The following RPH3AL variants were observed in gnomAD, a reference collection of about 807,000 sequenced individuals.
The protein encoded by RPH3AL is rab effector Noc2.
In RPH3AL, 38 loss-of-function variants were observed where a neutral mutation model predicts 43.1. The ratio of observed to expected loss-of-function variants is 0.88; its 90% CI spans 0.68 to 1.15. The LOEUF (loss-of-function observed/expected upper bound fraction) is 1.15, where lower values mean the gene tolerates loss of function less well. Among genes scored for constraint, RPH3AL ranks in the 50% most tolerant of loss-of-function variants. RPH3AL has a pLI of 0.00. For synonymous variants in RPH3AL, 189 were observed against 176.3 expected, an observed-to-expected ratio of 1.07 and a Z score of -0.57; for missense variants, 462 against 423.2, an observed-to-expected ratio of 1.09 and a Z score of -0.81.
chr17:319,637 T>G, intron 4 of RPH3AL, 88 bp from the exon 5 acceptor site: 1 of 1,500,652 alleles, frequency 6.7e-7, no homozygotes, highest in East Asian at 2.3e-5. Flanking sequence ...ATGCCACATG[T>G]GCTGTCCCCT....
chr17:324,497 C>T (rs944320985), intron 3 of RPH3AL, among the ~76,000 whole-genome samples: 3 of 152,192 alleles, frequency 2.0e-5, no homozygotes, highest in East Asian at 1.9e-4. Flanking sequence ...GGGAGCCCCA[C>T]CTGTCCTTCC....
At chr17:285,159 C>T (rs1567613932) in intron 5 of RPH3AL, among the ~76,000 whole-genome samples, 3 of 152,320 alleles carry the variant, frequency 2.0e-5, no homozygotes, top group Admixed American at 1.3e-4. Context: ...GGAGCATCGT[C>T]GTGTCTCTCA....
At chr17:308,925 ACT>A (rs1340516105) in intron 5 of RPH3AL, among the ~76,000 whole-genome samples, 3 of 152,068 alleles carry the variant, frequency 2.0e-5, no homozygotes, top group Non-Finnish European at 4.4e-5. Flanking sequence ...AGGTTAGCAG[ACT>A]CTCTCTAGGC....
intron 6 of RPH3AL, among the ~76,000 whole-genome samples, chr17:272,611 G>C (rs187239633): frequency 1.0e-5 from 1 of 95,986 alleles, no homozygotes; most frequent in Middle Eastern, 8.5e-3. Context: ...GTTGTGGGGT[G>C]GGGGGAGGGG....
At chr17:257,880 G>T (rs28730449) in intron 6 of RPH3AL, among the ~76,000 whole-genome samples, 126 of 3,114 alleles carry the variant, frequency 0.04, 11 homozygotes, top group African/African-American at 0.099. Context: ...TGTCTGTCCT[G>T]TTCTGTCCCT....
At chr17:242,368 C>CTACCTTCCTCTATTGAT (rs2041569058) in intron 7 of RPH3AL, among the ~76,000 whole-genome samples, 3 of 18,522 alleles carry the variant, frequency 1.6e-4, no homozygotes. Context: ...CCTCTATTGA[C>CTACCTTCCTCTATTGAT]TACCTTCCTC....
At chr17:271,697 A>G (rs1033232522) in intron 6 of RPH3AL, among the ~76,000 whole-genome samples, 4 of 152,212 alleles carry the variant, frequency 2.6e-5, no homozygotes, top group Non-Finnish European at 5.9e-5. Context: ...CTAGATATAC[A>G]ATCATGTCAT....
intron 5 of RPH3AL, among the ~76,000 whole-genome samples, chr17:316,144 C>T (rs1598105932): frequency 7.3e-6 from 1 of 136,418 alleles, no homozygotes; most frequent in Non-Finnish European, 1.6e-5. Flanking sequence ...AGTCCCTGTG[C>T]TCCACCTCCA....
At chr17:222,716 C>T (rs1292540153) in intron 7 of RPH3AL, among the ~76,000 whole-genome samples, 2 of 152,178 alleles carry the variant, frequency 1.3e-5, no homozygotes, top group Non-Finnish European at 2.9e-5. Flanking sequence ...ATAAACTGCA[C>T]CCGTATTGCA....
chr17:348,857 T>C (rs2151737381), intron 1 of RPH3AL: 1 of 152,294 alleles, frequency 6.6e-6, no homozygotes, highest in Non-Finnish European at 1.5e-5. Context: ...CTTCACCACA[T>C]GCATCACAGT....
intron 5 of RPH3AL, among the ~76,000 whole-genome samples, chr17:302,972 C>CT (rs1340920046): frequency 6.6e-6 from 1 of 152,178 alleles, no homozygotes; most frequent in African/African-American, 2.4e-5. Flanking sequence ...TGGTGTTTGA[C>CT]TTATTTTTTA....
chr17:329,042 A>G (rs2151711105), intron 2 of RPH3AL, among the ~76,000 whole-genome samples: 1 of 152,302 alleles, frequency 6.6e-6, no homozygotes, highest in Non-Finnish European at 1.5e-5. Context: ...AATGTTCTGG[A>G]TTAGACAGTG....
At chr17:316,508 C>T (rs2044202406) in intron 5 of RPH3AL, among the ~76,000 whole-genome samples, 2 of 146,508 alleles carry the variant, frequency 1.4e-5, no homozygotes, top group African/African-American at 2.6e-5. Context: ...AGTCTCTGTG[C>T]TCCACCTCCA....
Position 302,068 on chromosome 17 carries a change from A to G in RPH3AL, c.351+17352T>C, listed in dbSNP as rs1384908600. On this transcript the variant is annotated intron_variant, in intron 5 of 9. Coordinates refer to ENST00000331302, the MANE Select transcript of RPH3AL (RefSeq NM_006987.4). ...GCGAACTGGGCGGCAAACCTGCCAC[A>G]GCTTTAAAATAACCACAATCGAGCT... Among the ~76,000 whole-genome samples the G allele has an allele frequency of 2.0e-5, 3 of 152,348 alleles. No homozygotes were observed. In the East Asian group the frequency reaches 5.8e-4, roughly 29 times the overall value.
chr17:226,857 A>G lies in RPH3AL; in HGVS notation c.614-7121T>C, dbSNP rs4890192. 3.4e-3 allele frequency among the ~76,000 whole-genome samples: 512 copies of G among 152,262 alleles called. 10 individuals are homozygous for G. Among genetic ancestry groups the G allele is most frequent in the Admixed American group, 0.031 (479 of 15,292 alleles). On this transcript the variant is annotated intron_variant, in intron 7 of 9. Transcript: ENST00000331302. ...TGGCCCTTGCTCTTCCATCCTCAAC[A>G]TAACACTCTGTGTGTCTGAAGGCTG... is the stretch of plus-strand genomic sequence containing the variant.
intron 5 of RPH3AL, among the ~76,000 whole-genome samples, chr17:284,361 C>T (rs537614105): frequency 1.3e-5 from 2 of 152,300 alleles, no homozygotes; most frequent in African/African-American, 4.8e-5. Context: ...GTCGGTCACA[C>T]CCTCCCCTGC....
chr17:321,272 C>T lies in RPH3AL; in HGVS notation c.221G>A (p.Gly74Glu), dbSNP rs1223151707. 1.2e-6 allele frequency: 2 copies of T among 1,606,460 alleles called. No homozygotes were observed. The highest frequency in any genetic ancestry group is 8.5e-7 in the Non-Finnish European group (1 of 1,179,252). ...TGAGCTGGCCCCGGCCCCGCCTCAC[C>T]CGATTCTCTGCTGCTCCAGGACGTC... is the stretch of plus-strand genomic sequence containing the variant. ...RLDVLEQQRI[G>E]RLVERLETMR... Residue 74 changes from glycine (G) to glutamate (E), a missense_variant and splice_region_variant, in exon 4 of 10, where the codon GGG (glycine) becomes GAG (glutamate). Transcript: ENST00000331302.
intron 1 of RPH3AL, among the ~76,000 whole-genome samples, chr17:341,947 T>C (rs2045130941): frequency 6.6e-6 from 1 of 152,198 alleles, no homozygotes. Flanking sequence ...TGGGAGAAGA[T>C]ATTTGCAAAC....
chr17:268,889 A>AT (rs949382597), intron 6 of RPH3AL, among the ~76,000 whole-genome samples: 52 of 150,746 alleles, frequency 3.4e-4, no homozygotes, highest in Admixed American at 5.9e-4. Context: ...ATTTATTATT[A>AT]TTTTTTTGAG....
Sources: gnomAD v4.1 joint callset for allele counts (sites outside exome capture counted in the v4.1 genomes callset) on GRCh38, gnomAD v4.1.1 for gene constraint, MANE v1.5 for transcripts, NCBI Gene and HGNC (gene_info 2026-07-23, HGNC 2026-07-21) for gene names.